Variants in DNAH8 observed in about 807,000 individuals in gnomAD.
DNAH8 encodes dynein axonemal heavy chain 8.
Under a neutral mutation model 562.1 loss-of-function variants are expected in DNAH8, and 382 were observed. That is an observed-to-expected ratio of 0.68 (90% confidence interval 0.63 to 0.74). DNAH8 has a LOEUF of 0.74. Among genes scored for constraint, DNAH8 ranks in the 30% least tolerant of loss-of-function variants. The pLI is 0.00. For missense variants in DNAH8, 5,203 were observed against 5,620.4 expected (o/e 0.93, Z 2.37); for synonymous variants, 1,881 against 1,919.4 (o/e 0.98, Z 0.52).
At chr6:38,845,261 A>G (rs1317689260) in intron 35 of DNAH8, among the ~76,000 whole-genome samples, 1 of 152,216 alleles carries the variant, frequency 6.6e-6, no homozygotes, top group African/African-American at 2.4e-5. Context: ...TAAACAGGGC[A>G]GCTGTGATTA....
intron 7 of DNAH8, among the ~76,000 whole-genome samples, chr6:38,740,599 T>C (rs1361666220): frequency 6.6e-6 from 1 of 152,120 alleles, no homozygotes; most frequent in Non-Finnish European, 1.5e-5. Context: ...AAGTTTGTCT[T>C]TAGTCTTTTT....
chr6:38,982,398 C>G lies in DNAH8; in HGVS notation c.12887C>G (p.Ser4296Cys). Residue 4296 changes from serine (S) to cysteine (C), a missense_variant, in exon 86 of 93, where the codon TCT (serine) becomes TGT (cysteine). Physicochemically the swap from Ser to Cys is moderately radical, Grantham distance 112. Coordinates refer to ENST00000327475, the MANE Select transcript of DNAH8 (RefSeq NM_001206927.2). ...TGGAATATTCCCTACGAATTCAATT[C>G]TGCTGACTTTTCAGCCAGTGTTCAG... ...LGWNIPYEFN[S>C]ADFSASVQFI... is the part of the protein sequence containing the mutation. The G allele has an allele frequency of 1.9e-6, 3 of 1,612,556 alleles. No homozygotes were observed. The highest frequency in any genetic ancestry group is 2.5e-6 in the Non-Finnish European group (3 of 1,178,650).
chr6:38,816,322 T>C (rs1290774514), intron 26 of DNAH8, among the ~76,000 whole-genome samples: 1 of 152,156 alleles, frequency 6.6e-6, no homozygotes, highest in Non-Finnish European at 1.5e-5. Context: ...CACTTACAAG[T>C]GAGAACATGT....
chr6:38,969,891 G>T (rs536309056), intron 82 of DNAH8, among the ~76,000 whole-genome samples: 1 of 152,208 alleles, frequency 6.6e-6, no homozygotes, highest in African/African-American at 2.4e-5. Flanking sequence ...AGACCCCTCT[G>T]GCTGCTGTAG....
Position 38,741,776 on chromosome 6 carries a change from A to G in DNAH8, c.1182A>G (p.Glu394=), listed in dbSNP as rs201355783. The G allele has an allele frequency of 1.2e-6, 2 of 1,614,130 alleles. No individual in the cohort carries two copies. Among genetic ancestry groups the G allele is most frequent in the East Asian group, 4.5e-5 (2 of 44,874 alleles). Reference sequence around the variant, plus strand: ...ATTCAGGTCCACTCACTGAATTGGAACACTGGAAACGCATGTCAGCCAAGT... The same window carrying G: ...ATTCAGGTCCACTCACTGAATTGGAGCACTGGAAACGCATGTCAGCCAAGT... ...AGDSGPLTEL[E]HWKRMSAKFN... Residue 394 remains glutamate, a synonymous_variant, in exon 8 of 93, where the codon GAA becomes GAG. Coordinates refer to ENST00000327475, the MANE Select transcript of DNAH8 (RefSeq NM_001206927.2).
In DNAH8 at chr6:38,828,169, A is replaced by G. The variant is rs1773527989; in HGVS notation, c.4084-15A>G. 6.5e-7 allele frequency: 1 copy of G among 1,536,608 alleles called. No homozygotes were observed. Among genetic ancestry groups the G allele is most frequent in the South Asian group, 1.2e-5 (1 of 81,822 alleles). On this transcript the variant is annotated splice_polypyrimidine_tract_variant and intron_variant, in intron 29 of 92. Coordinates refer to ENST00000327475, the MANE Select transcript of DNAH8 (RefSeq NM_001206927.2). ...TTCCCTTGTGATATTTCTAAACTCC[A>G]CCTTCATCCTGCAGGAAGCCTATGC...
chr6:38,967,117 T>C (rs1763019649), intron 82 of DNAH8, among the ~76,000 whole-genome samples: 2 of 152,154 alleles, frequency 1.3e-5, no homozygotes, highest in Admixed American at 1.3e-4. Context: ...AAACTAGGAA[T>C]AGGAGGAAAT....
At chr6:38,796,629 T>C (rs12527876) in intron 21 of DNAH8, among the ~76,000 whole-genome samples, 19,338 of 152,152 alleles carry the variant, frequency 0.13, 1,469 homozygotes, top group Admixed American at 0.22. Flanking sequence ...GGAAAAGCAT[T>C]GTGAAAATCC....
At chr6:38,836,079 A>G (rs180716828) in intron 32 of DNAH8, among the ~76,000 whole-genome samples, 9 of 152,268 alleles carry the variant, frequency 5.9e-5, no homozygotes, top group South Asian at 2.1e-4. Flanking sequence ...GGTTTGAGGG[A>G]AAAAGTTAAA....
intron 9 of DNAH8, among the ~76,000 whole-genome samples, chr6:38,751,569 A>G (rs992647212): frequency 6.6e-6 from 1 of 152,188 alleles, no homozygotes; most frequent in Non-Finnish European, 1.5e-5. Flanking sequence ...TCAGCTAATC[A>G]GGGATGCAGG....
intron 85 of DNAH8, among the ~76,000 whole-genome samples, chr6:38,976,189 T>C (rs909963051): frequency 6.6e-6 from 1 of 152,372 alleles, no homozygotes; most frequent in African/African-American, 2.4e-5. Flanking sequence ...TCGTGCTTGC[T>C]GTGAAATCAG....
At chr6:38,880,659 A>G (rs952820807) in intron 53 of DNAH8, among the ~76,000 whole-genome samples, 1 of 152,244 alleles carries the variant, frequency 6.6e-6, no homozygotes, top group African/African-American at 2.4e-5. Flanking sequence ...ACTTTGCTAA[A>G]TAAGATAAGT....
At chr6:38,873,427 C>T in intron 52 of DNAH8, 51 bp downstream of exon 52, 1 of 1,500,738 alleles carries the variant, frequency 6.7e-7, no homozygotes, top group Non-Finnish European at 9.0e-7. Context: ...TTTTTTTTCA[C>T]TCAGTTGCAG....
Position 38,883,409 on chromosome 6 carries a change from TC to T in DNAH8, c.8091del (p.Ser2699ValfsTer2), listed in dbSNP as rs1778663504. On this transcript the variant is annotated frameshift_variant, in exon 55 of 93. Transcript: ENST00000327475. LOFTEE classifies it high-confidence loss of function. ...AAAATATGATCCTGAAGTACAGCTA[TC>T]CAAAAGTCTAAACTTTTCATCTGCC... is the stretch of plus-strand genomic sequence containing the variant. ...LKKYDPEVQL[S>X]KSLNFSSATE... 6.2e-7 allele frequency: 1 copy of T among 1,612,964 alleles called. No homozygotes were observed. The highest frequency in any genetic ancestry group is 8.5e-7 in the Non-Finnish European group (1 of 1,179,422).
intron 76 of DNAH8, among the ~76,000 whole-genome samples, chr6:38,932,296 G>GA (rs1286498694): frequency 6.6e-6 from 1 of 151,582 alleles, no homozygotes; most frequent in African/African-American, 2.4e-5. Flanking sequence ...GGGGACACCT[G>GA]AAAACATCAA....
chr6:38,725,304 T>TATAATCATA (rs1554193003), intron 3 of DNAH8, among the ~76,000 whole-genome samples: 11 of 135,386 alleles, frequency 8.1e-5, no homozygotes, highest in Non-Finnish European at 1.6e-4. Context: ...CTCCAACTCA[T>TATAATCATA]ATAATAATAA....
intron 85 of DNAH8, among the ~76,000 whole-genome samples, chr6:38,977,468 G>A (rs1293654278): frequency 6.6e-6 from 1 of 152,042 alleles, no homozygotes; most frequent in African/African-American, 2.4e-5. Context: ...ACCCTGGTGT[G>A]TGCCTGGGCT....
chr6:38,847,459 C>T (rs1775389175), intron 36 of DNAH8, among the ~76,000 whole-genome samples: 1 of 151,820 alleles, frequency 6.6e-6, no homozygotes, highest in Non-Finnish European at 1.5e-5. Flanking sequence ...CGACCAGTGG[C>T]CAGGGAAACA....
chr6:38,993,118 A>T (rs1287752495), intron 88 of DNAH8, among the ~76,000 whole-genome samples: 1 of 152,184 alleles, frequency 6.6e-6, no homozygotes, highest in Non-Finnish European at 1.5e-5. Flanking sequence ...TTCCAGTTGT[A>T]TACCTCAGGG....
Sources: gnomAD v4.1 joint callset for allele counts (sites outside exome capture counted in the v4.1 genomes callset) on GRCh38, gnomAD v4.1.1 for gene constraint, MANE v1.5 for transcripts, NCBI Gene and HGNC (gene_info 2026-07-23, HGNC 2026-07-21) for gene names.